The following TRIM23 variants were observed in gnomAD, a reference collection of about 807,000 sequenced individuals.
TRIM23 encodes the protein tripartite motif containing 23.
Under a neutral mutation model 71.0 loss-of-function variants are expected in TRIM23, and 27 were observed. The ratio of observed to expected loss-of-function variants is 0.38; its 90% CI spans 0.28 to 0.52. TRIM23 has a LOEUF of 0.52. TRIM23 is among the 20% of genes least tolerant of loss of function. The probability of loss-of-function intolerance (pLI) is 0.84; values close to 1 mark genes in which losing one functional copy is unlikely to be tolerated. For missense variants in TRIM23, 482 were observed against 692.3 expected, an observed-to-expected ratio of 0.70 and a Z score of 3.41; for synonymous variants, 234 against 238.0, an observed-to-expected ratio of 0.98 and a Z score of 0.16.
chr5:65,605,562 T>G (rs1386732756), intron 6 of TRIM23, among the ~76,000 whole-genome samples: 1 of 152,202 alleles, frequency 6.6e-6, no homozygotes, highest in African/African-American at 2.4e-5. Context: ...ACTGAATACT[T>G]ATGCATACAT....
intron 1 of TRIM23, among the ~76,000 whole-genome samples, chr5:65,621,007 G>A (rs956682983): frequency 3.3e-5 from 5 of 151,700 alleles, no homozygotes; most frequent in Non-Finnish European, 7.4e-5. Context: ...TCCCACCTGG[G>A]TGACAGAGTG....
chr5:65,592,961 T>C (rs1467929191), intron 10 of TRIM23, among the ~76,000 whole-genome samples: 1 of 152,220 alleles, frequency 6.6e-6, no homozygotes, highest in African/African-American at 2.4e-5. Flanking sequence ...TATATACACA[T>C]ACATACATAA....
chr5:65,607,907 G>T (rs1284404364), intron 6 of TRIM23, among the ~76,000 whole-genome samples: 1 of 152,110 alleles, frequency 6.6e-6, no homozygotes, highest in East Asian at 1.9e-4. Flanking sequence ...ATGCATCAAA[G>T]ATGAACAAGG....
intron 6 of TRIM23, 64 bp from the exon 7 acceptor site, chr5:65,605,109 A>G: frequency 2.1e-6 from 3 of 1,427,728 alleles, no homozygotes; most frequent in South Asian, 3.0e-5. Flanking sequence ...AGAGACTTAT[A>G]TTACCAACTC....
At chr5:65,621,129 G>T (rs192685494) in intron 1 of TRIM23, among the ~76,000 whole-genome samples, 62 of 152,330 alleles carry the variant, frequency 4.1e-4, no homozygotes, top group African/African-American at 1.4e-3. Context: ...AAGGCGGGCA[G>T]ATCACGAGGT....
At chr5:65,609,936 C>T (rs549064938) in intron 5 of TRIM23, among the ~76,000 whole-genome samples, 4 of 152,222 alleles carry the variant, frequency 2.6e-5, no homozygotes, top group African/African-American at 7.2e-5. Context: ...CAAAAACAAC[C>T]GGAGTCATCA....
At chr5:65,606,781 T>G (rs1232256584) in intron 6 of TRIM23, 2 of 152,240 alleles carry the variant, frequency 1.3e-5, no homozygotes, top group African/African-American at 4.8e-5. Context: ...CTCTACTTAT[T>G]AATGCAATCT....
intron 7 of TRIM23, among the ~76,000 whole-genome samples, chr5:65,599,532 G>A (rs1035355137): frequency 7.9e-5 from 12 of 152,078 alleles, no homozygotes; most frequent in African/African-American, 1.7e-4. Context: ...ATATGTAGGC[G>A]TACACCTAAC....
chr5:65,621,405 G>A (rs469216), intron 1 of TRIM23, among the ~76,000 whole-genome samples: 45,691 of 151,988 alleles, frequency 0.3, 7,173 homozygotes, highest in African/African-American at 0.37. Context: ...TATAAATGCT[G>A]TATTATGATA....
intron 4 of TRIM23, 132 bp downstream of exon 4, chr5:65,611,471 C>T (rs1754648289): frequency 2.0e-6 from 2 of 986,360 alleles, no homozygotes; most frequent in Admixed American, 2.9e-5. Flanking sequence ...TTCATGCTAC[C>T]AAACCCAATC....
intron 9 of TRIM23, among the ~76,000 whole-genome samples, chr5:65,594,934 C>A (rs751326653): frequency 6.6e-6 from 1 of 152,156 alleles, no homozygotes; most frequent in East Asian, 1.9e-4. Flanking sequence ...TTTTACATAA[C>A]GAATTTCAAA....
chr5:65,611,804 A>G lies in TRIM23; in HGVS notation c.444T>C (p.Ser148=). ...YCTVCATHLC[S]ECSQVTHSTK... ...TAGAATGAGTAACTTGAGAACACTCAGAGCACAAATGAGTTGCACACACAG... is the reference window on the plus strand; with the variant it reads ...TAGAATGAGTAACTTGAGAACACTCGGAGCACAAATGAGTTGCACACACAG... The change falls in exon 4 of 11, where the codon TCT becomes TCC. Residue 148 remains serine, a synonymous_variant. Coordinates refer to ENST00000231524, the MANE Select transcript of TRIM23 (RefSeq NM_001656.4). 6.2e-7 allele frequency: 1 copy of G among 1,614,228 alleles called. No individual in the cohort carries two copies.
chr5:65,599,418 C>G lies in TRIM23; in HGVS notation c.1180-2238G>C, dbSNP rs146773381. Among the ~76,000 whole-genome samples, 6 of 152,230 alleles carry G rather than the reference C, an allele frequency of 3.9e-5. No homozygotes were observed. In the East Asian group the frequency reaches 1.2e-3, roughly 29 times the overall value. Reference sequence around the variant, plus strand: ...TTAAGATACTTAGGAATAAACTCAACCAAGATGGTGAAAGACTTAAGATAC... The same window carrying G: ...TTAAGATACTTAGGAATAAACTCAAGCAAGATGGTGAAAGACTTAAGATAC... On this transcript the variant is annotated intron_variant, in intron 7 of 10. Transcript: ENST00000231524.
Position 65,611,002 on chromosome 5 carries a change from T to G in TRIM23, c.687A>C (p.Ser229=). 1 of 1,613,446 alleles carries G rather than the reference T, an allele frequency of 6.2e-7. No homozygotes were observed. Residue 229 remains serine, a synonymous_variant, in exon 5 of 11, where the codon TCA becomes TCC. Transcript: ENST00000231524. ...GTATGCAGTGAGCCATATCTAAAAT[T>G]GATGCTCGGATCTGATTAGCTTCTG... ...LEPEANQIRA[S]ILDMAHCIRT...
intron 8 of TRIM23, 83 bp from the exon 9 acceptor site, chr5:65,596,614 T>C: frequency 2.5e-6 from 2 of 797,796 alleles, no homozygotes; most frequent in South Asian, 3.3e-5. Flanking sequence ...CCCCAGTTTA[T>C]AACTGTGACT....
In TRIM23 at chr5:65,590,366, CT is replaced by C. The variant is rs1056824499; in HGVS notation, c.*1402del. The C allele has an allele frequency of 7.7e-4, 1,050 of 1,358,070 alleles. No homozygotes were observed. Among genetic ancestry groups the C allele is most frequent in the South Asian group, 1.9e-3 (116 of 60,370 alleles). The allele number at this position is 1,358,070 out of a possible 1,614,324, so 84.1% of individuals were successfully genotyped here. A position where few individuals can be genotyped will look rare whatever the true frequency, so the allele number is the denominator to read the frequency against. ...ACATATTGCCCATAATACTGATAGGCTTTTTTTTTAATGCTTTGTTTTCTAA... is the reference window on the plus strand; with the variant it reads ...ACATATTGCCCATAATACTGATAGGCTTTTTTTTAATGCTTTGTTTTCTAA... On this transcript the variant is annotated 3_prime_UTR_variant, in exon 11 of 11. Transcript: ENST00000231524.
intron 2 of TRIM23, among the ~76,000 whole-genome samples, chr5:65,616,439 C>T (rs1053669708): frequency 1.3e-5 from 2 of 151,582 alleles, no homozygotes; most frequent in Non-Finnish European, 2.9e-5. Flanking sequence ...GTCAGGAGTT[C>T]GAGACCAGCC....
chr5:65,593,006 A>G (rs934087552), intron 10 of TRIM23, among the ~76,000 whole-genome samples: 1 of 152,214 alleles, frequency 6.6e-6, no homozygotes, highest in African/African-American at 2.4e-5. Flanking sequence ...ACATTTATGT[A>G]TATTTGCAAA....
chr5:65,602,668 T>C (rs750950240), intron 7 of TRIM23, among the ~76,000 whole-genome samples: 4 of 152,166 alleles, frequency 2.6e-5, no homozygotes, highest in Non-Finnish European at 5.9e-5. Context: ...AGAGGTTTAA[T>C]TGGACTTACA....
Sources: allele counts gnomAD v4.1 joint callset (sites outside exome capture counted in the v4.1 genomes callset), GRCh38; gene constraint gnomAD v4.1.1; transcripts MANE v1.5; gene names NCBI Gene and HGNC (gene_info 2026-07-23, HGNC 2026-07-21).